The following USH2A variants were observed in gnomAD, a reference collection of about 807,000 sequenced individuals.
The protein encoded by USH2A is usherin.
USH2A carries 443 observed loss-of-function variants against 538.9 expected under a neutral mutation model. The observed-to-expected ratio is 0.82, with a 90% CI of 0.76 to 0.89. The LOEUF is 0.89. Among genes scored for constraint, USH2A ranks in the 40% least tolerant of loss-of-function variants. The pLI, the probability that USH2A is intolerant of heterozygous loss-of-function variation, is 0.00. For missense variants in USH2A, 6,633 were observed against 6,324.8 expected (o/e 1.05, Z -1.65); for synonymous variants, 2,413 against 2,273.5 (o/e 1.06, Z -1.75).
intron 32 of USH2A, among the ~76,000 whole-genome samples, chr1:216,019,002 T>C (rs1305819060): frequency 6.6e-6 from 1 of 152,212 alleles, no homozygotes; most frequent in Admixed American, 6.5e-5. Context: ...ATAAGTATGC[T>C]ATAAAGTATT....
intron 21 of USH2A, among the ~76,000 whole-genome samples, chr1:216,107,442 T>C (rs1294145244): frequency 6.6e-6 from 1 of 151,816 alleles, no homozygotes; most frequent in East Asian, 1.9e-4. Flanking sequence ...ACTACCATTT[T>C]CTTATGATAA....
At chr1:215,796,019 T>TA (rs1450874138) in intron 50 of USH2A, among the ~76,000 whole-genome samples, 11 of 124,714 alleles carry the variant, frequency 8.8e-5, no homozygotes, top group Admixed American at 2.3e-4. Flanking sequence ...GTTTTTCAAA[T>TA]AAAAAATAGA....
chr1:215,754,530 A>C (rs1388397259), intron 58 of USH2A, among the ~76,000 whole-genome samples: 2 of 152,086 alleles, frequency 1.3e-5, no homozygotes, highest in Non-Finnish European at 2.9e-5. Flanking sequence ...ATGCATATTT[A>C]AAAAAACAAA....
chr1:215,644,461 T>G (rs1284101389), intron 67 of USH2A, among the ~76,000 whole-genome samples: 1 of 151,444 alleles, frequency 6.6e-6, no homozygotes, highest in Non-Finnish European at 1.5e-5. Flanking sequence ...AAGGAGGGAG[T>G]AGAGAAACGG....
At chr1:215,740,091 A>G (rs1477083959) in intron 60 of USH2A, among the ~76,000 whole-genome samples, 1 of 152,182 alleles carries the variant, frequency 6.6e-6, no homozygotes, top group Non-Finnish European at 1.5e-5. Flanking sequence ...GCAAGCCATC[A>G]GTTGACAGGT....
intron 21 of USH2A, among the ~76,000 whole-genome samples, chr1:216,117,865 T>C (rs1041944920): frequency 2.0e-5 from 3 of 149,952 alleles, no homozygotes; most frequent in South Asian, 4.3e-4. Context: ...TATATATGCA[T>C]GTATACACAT....
At chr1:215,777,749 G>A (rs1019279540) in intron 55 of USH2A, among the ~76,000 whole-genome samples, 1 of 152,184 alleles carries the variant, frequency 6.6e-6, no homozygotes, top group Non-Finnish European at 1.5e-5. Flanking sequence ...TTGGGAGAAC[G>A]AAATGATATT....
At chr1:216,355,572 AT>A (rs1237794923) in intron 4 of USH2A, among the ~76,000 whole-genome samples, 1 of 152,148 alleles carries the variant, frequency 6.6e-6, no homozygotes. Context: ...AGCTGAGAGA[AT>A]TTGCTTCAGC....
chr1:216,366,730 T>A (rs2038607340), intron 3 of USH2A, among the ~76,000 whole-genome samples: 1 of 152,168 alleles, frequency 6.6e-6, no homozygotes, highest in South Asian at 2.1e-4. Flanking sequence ...TAAACTATGT[T>A]CTTTCTTAAA....
At chr1:216,132,773 C>A (rs2102603667) in intron 21 of USH2A, among the ~76,000 whole-genome samples, 1 of 152,160 alleles carries the variant, frequency 6.6e-6, no homozygotes. Context: ...TGGTGGCATT[C>A]CACTTGAAAA....
chr1:216,265,254 C>T (rs530024237), intron 11 of USH2A, among the ~76,000 whole-genome samples: 2 of 150,798 alleles, frequency 1.3e-5, no homozygotes, highest in Non-Finnish European at 2.9e-5. Flanking sequence ...CGAAAAAATG[C>T]TCAACATTGC....
chr1:215,734,275 G>A (rs1318283483), intron 60 of USH2A, among the ~76,000 whole-genome samples: 1 of 152,192 alleles, frequency 6.6e-6, no homozygotes, highest in East Asian at 1.9e-4. Context: ...TGCAGCAAGA[G>A]TAGTCAGGAT....
At chr1:216,138,401 G>A (rs2033528785) in intron 21 of USH2A, among the ~76,000 whole-genome samples, 1 of 152,164 alleles carries the variant, frequency 6.6e-6, no homozygotes, top group African/African-American at 2.4e-5. Flanking sequence ...TTAGGCTAAA[G>A]AACCTGTACT....
chr1:215,693,858 C>G (rs1658702766), intron 61 of USH2A, among the ~76,000 whole-genome samples: 1 of 151,936 alleles, frequency 6.6e-6, no homozygotes, highest in Non-Finnish European at 1.5e-5. Flanking sequence ...TGTTTGGGAC[C>G]CTAAGAGATT....
intron 21 of USH2A, among the ~76,000 whole-genome samples, chr1:216,105,653 T>G (rs1255104347): frequency 6.6e-6 from 1 of 152,062 alleles, no homozygotes; most frequent in Non-Finnish European, 1.5e-5. Flanking sequence ...CAAAAAAGCT[T>G]GCTGGAATTT....
chr1:216,022,267 T>C (rs932496105), intron 32 of USH2A, among the ~76,000 whole-genome samples: 1 of 152,150 alleles, frequency 6.6e-6, no homozygotes, highest in African/African-American at 2.4e-5. Flanking sequence ...ACCAGCAGCA[T>C]ACTGCCATTA....
intron 7 of USH2A, 134 bp from the exon 8 acceptor site, chr1:216,323,829 T>C (rs1440968870): frequency 1.2e-6 from 1 of 814,244 alleles, no homozygotes; most frequent in Non-Finnish European, 2.0e-6. Context: ...GCATATTCCA[T>C]ATATTTCATA....
chr1:215,885,609 A>G (rs1230938048), intron 41 of USH2A, among the ~76,000 whole-genome samples: 4 of 152,222 alleles, frequency 2.6e-5, no homozygotes, highest in African/African-American at 9.6e-5. Flanking sequence ...GATTTTAAGC[A>G]TATTATTTCA....
chr1:216,025,255 A>G (rs1668935920), intron 32 of USH2A, among the ~76,000 whole-genome samples: 1 of 151,928 alleles, frequency 6.6e-6, no homozygotes. Context: ...AAACAGAGAA[A>G]ATAAATTAAT....
Sources: gnomAD v4.1 joint callset for allele counts (sites outside exome capture counted in the v4.1 genomes callset) on GRCh38, gnomAD v4.1.1 for gene constraint, MANE v1.5 for transcripts, NCBI Gene and HGNC (gene_info 2026-07-23, HGNC 2026-07-21) for gene names.